Variants in TRRAP observed in about 807,000 individuals in gnomAD.
TRRAP encodes transformation/transcription domain associated protein.
TRRAP carries 41 observed loss-of-function variants against 438.8 expected under a neutral mutation model. That is an observed-to-expected ratio of 0.09 (90% CI 0.07 to 0.12). The LOEUF is 0.12. Ranked by LOEUF, TRRAP falls within the 10% of genes least tolerant of loss-of-function variation. The probability of loss-of-function intolerance (pLI) is 1.00; values close to 1 mark genes in which losing one functional copy is unlikely to be tolerated. For missense variants in TRRAP, 3,122 were observed against 5,055.1 expected, an observed-to-expected ratio of 0.62 and a Z score of 11.60; for synonymous variants, 1,994 against 1,962.9, an observed-to-expected ratio of 1.02 and a Z score of -0.42.
chr7:98,879,095 A>G (rs1252009711), intron 1 of TRRAP, among the ~76,000 whole-genome samples: 3 of 152,192 alleles, frequency 2.0e-5, no homozygotes, highest in Admixed American at 6.5e-5. Context: ...CGGCGACCAC[A>G]GCGCCCCCTC....
chr7:98,888,946 G>A (rs1795841957), intron 3 of TRRAP, among the ~76,000 whole-genome samples: 2 of 151,052 alleles, frequency 1.3e-5, no homozygotes, highest in African/African-American at 4.9e-5. Context: ...CATGATAGGA[G>A]TTTAGAAAAT....
intron 67 of TRRAP, among the ~76,000 whole-genome samples, chr7:99,001,137 G>A (rs1793901536): frequency 6.6e-6 from 1 of 152,244 alleles, no homozygotes; most frequent in African/African-American, 2.4e-5. Flanking sequence ...TGTGACCAGG[G>A]TTGCATCGAG....
chr7:98,898,008 C>G (rs1245061473), intron 8 of TRRAP, 142 bp downstream of exon 8: 1 of 1,367,176 alleles, frequency 7.3e-7, no homozygotes, highest in Non-Finnish European at 1.0e-6. Context: ...TGGTCCTTCT[C>G]TGCAGCCTGG....
At chr7:98,881,914 G>A in intron 2 of TRRAP, 61 bp from the exon 3 acceptor site, 1 of 1,554,108 alleles carries the variant, frequency 6.4e-7, no homozygotes, top group Non-Finnish European at 8.8e-7. Flanking sequence ...TCCAAGTTTT[G>A]CATTAACATA....
intron 30 of TRRAP, among the ~76,000 whole-genome samples, chr7:98,939,823 G>A (rs1237315654): frequency 2.6e-5 from 4 of 152,176 alleles, no homozygotes; most frequent in Non-Finnish European, 4.4e-5. Flanking sequence ...TTGAAAAGTC[G>A]TCTGTCATTT....
chr7:98,977,547 G>T (rs751156774), intron 56 of TRRAP, among the ~76,000 whole-genome samples: 1 of 152,210 alleles, frequency 6.6e-6, no homozygotes, highest in Non-Finnish European at 1.5e-5. Context: ...AGATACCTAC[G>T]TATATGACAT....
At chr7:98,883,405 A>G (rs1205562700) in intron 3 of TRRAP, among the ~76,000 whole-genome samples, 7 of 152,186 alleles carry the variant, frequency 4.6e-5, no homozygotes, top group African/African-American at 1.7e-4. Flanking sequence ...TGTTTTGAAC[A>G]TATTTACTGT....
In TRRAP at chr7:98,994,879, G is replaced by A. The variant is rs765215820; in HGVS notation, c.10309+31G>A. The A allele has an allele frequency of 1.9e-6, 3 of 1,603,506 alleles. No homozygotes were observed. In the South Asian group the frequency reaches 3.3e-5, roughly 18 times the overall value. ...TCTCCATTTTCCTTCCCTTCCATAG[G>A]GAGAATTGTGCACGCTGATTTCCTC... is the stretch of plus-strand genomic sequence containing the variant. On this transcript the variant is annotated intron_variant, in intron 67 of 72. Coordinates refer to ENST00000456197, the MANE Select transcript of TRRAP (RefSeq NM_001375524.1). This position sits in a 1 kb window ranked among gnomAD's most constrained non-coding sequence, Gnocchi z 4.8.
intron 61 of TRRAP, among the ~76,000 whole-genome samples, chr7:98,984,712 A>G (rs1019889842): frequency 8.5e-5 from 13 of 152,228 alleles, no homozygotes; most frequent in African/African-American, 3.1e-4. Flanking sequence ...AAAGCTTTGG[A>G]GAAAATAAGA....
intron 38 of TRRAP, among the ~76,000 whole-genome samples, chr7:98,950,582 G>A (rs1791289182): frequency 6.6e-6 from 1 of 152,228 alleles, no homozygotes; most frequent in African/African-American, 2.4e-5. Flanking sequence ...GCTCAGGAGC[G>A]TCAGGTGCAT....
In TRRAP at chr7:98,955,093, T is replaced by C; in HGVS notation, c.5731-5T>C. ...TCCTCCATAAACGTCTCTTCCCTGT[T>C]TTAGGTTTTTCATAGTCTCCTCAAG... On this transcript the variant is annotated splice_polypyrimidine_tract_variant and splice_region_variant and intron_variant, in intron 40 of 72. Transcript: ENST00000456197. 6.2e-7 allele frequency: 1 copy of C among 1,610,384 alleles called. No individual in the cohort carries two copies. The highest frequency in any genetic ancestry group is 1.3e-5 in the African/African-American group (1 of 75,024).
intron 4 of TRRAP, 42 bp downstream of exon 4, chr7:98,890,487 G>C: frequency 7.0e-7 from 1 of 1,421,868 alleles, no homozygotes; most frequent in Non-Finnish European, 9.5e-7. Context: ...GGTGCTGTGG[G>C]ATTGTGACCA....
Position 98,956,670 on chromosome 7 carries a change from T to A in TRRAP, c.6231+137T>A. 1.4e-6 allele frequency: 2 copies of A among 1,410,862 alleles called. No individual in the cohort carries two copies. The highest frequency in any genetic ancestry group is 1.9e-6 in the Non-Finnish European group (2 of 1,058,410). 87.4% of individuals were successfully genotyped at this position (1,410,862 alleles called of 1,614,324 possible). A position where few individuals can be genotyped will look rare whatever the true frequency, so the allele number is the denominator to read the frequency against. On this transcript the variant is annotated intron_variant, in intron 43 of 72. Transcript: ENST00000456197. This position sits in a 1 kb window ranked among gnomAD's most constrained non-coding sequence, Gnocchi z 4.5. ...CTGGGAACAGCCACGGTCACCAGAT[T>A]GAAACTCCAGGACATGTCACTCATG... is the stretch of plus-strand genomic sequence containing the variant.
chr7:98,983,157 A>G (rs1202373949), intron 59 of TRRAP, 107 bp from the exon 60 acceptor site: 18 of 1,069,526 alleles, frequency 1.7e-5, no homozygotes, highest in Non-Finnish European at 2.0e-5. Flanking sequence ...TGGTAATTGC[A>G]TCATAAGATC....
chr7:98,967,693 A>G lies in TRRAP; in HGVS notation c.7507A>G (p.Ile2503Val), dbSNP rs143787708. ...MGNHFWIKQC[I>V]ELLLAVCEKS... ...GAACCACTTCTGGATCAAGCAGTGCATTGAGGTAGGAAGACTCGGCTCACA... is the reference window on the plus strand; with the variant it reads ...GAACCACTTCTGGATCAAGCAGTGCGTTGAGGTAGGAAGACTCGGCTCACA... The change falls in exon 51 of 73, where the codon ATT becomes GTT. Residue 2503 changes from isoleucine to valine, a missense_variant. Transcript: ENST00000456197. 57 of 1,613,336 alleles carry G rather than the reference A, an allele frequency of 3.5e-5. No homozygotes were observed. Among genetic ancestry groups the G allele is most frequent in the Non-Finnish European group, 4.2e-5 (50 of 1,179,900 alleles).
intron 8 of TRRAP, among the ~76,000 whole-genome samples, chr7:98,899,154 A>G (rs1554406240): frequency 6.6e-6 from 1 of 152,242 alleles, no homozygotes; most frequent in East Asian, 1.9e-4. Flanking sequence ...GCACCACTGC[A>G]TTCCAGCCTG....
At chr7:98,897,458 C>A (rs1456500421) in intron 7 of TRRAP, among the ~76,000 whole-genome samples, 1 of 152,106 alleles carries the variant, frequency 6.6e-6, no homozygotes, top group Non-Finnish European at 1.5e-5. Flanking sequence ...CAAGCTTTGT[C>A]TTCTGTTGTT....
Position 99,011,143 on chromosome 7 carries a change from C to T in TRRAP, c.11030C>T (p.Thr3677Met), listed in dbSNP as rs762761139. 5.8e-5 allele frequency: 93 copies of T among 1,614,034 alleles called. 1 individual carries two copies. The highest frequency in any genetic ancestry group is 5.7e-5 in the Non-Finnish European group (67 of 1,180,044). ...GCGCTGCACACCTTCCCCAATGCCA[C>T]GGACTACTGGACGTTCCGGAAGATG... is the stretch of plus-strand genomic sequence containing the variant. ...EWALHTFPNATDYWTFRKMFT... is the reference protein window; with the variant it reads ...EWALHTFPNAMDYWTFRKMFT... The change falls in exon 71 of 73, where the codon ACG becomes ATG. Residue 3677 changes from threonine to methionine, a missense_variant. Around this residue, in one of 24 missense-constraint regions of TRRAP, gnomAD observed 192 missense variants for 355.6 expected, o/e 0.54. Coordinates refer to ENST00000456197, the MANE Select transcript of TRRAP (RefSeq NM_001375524.1). This position sits in a 1 kb window ranked among gnomAD's most constrained non-coding sequence, Gnocchi z 7.1.
chr7:99,000,537 A>G (rs940064947), intron 67 of TRRAP, among the ~76,000 whole-genome samples: 2 of 152,110 alleles, frequency 1.3e-5, no homozygotes, highest in Admixed American at 1.3e-4. Flanking sequence ...TCCAGGCCAC[A>G]CTCTGCGCAC....
Sources: allele counts gnomAD v4.1 joint callset (sites outside exome capture counted in the v4.1 genomes callset), GRCh38; gene constraint gnomAD v4.1.1; regional missense constraint gnomAD v4.1.1; non-coding constraint Gnocchi (gnomAD v3.1); transcripts MANE v1.5; gene names NCBI Gene and HGNC (gene_info 2026-07-23, HGNC 2026-07-21).